Variants in GTF3C5 observed in about 807,000 individuals in gnomAD.
The protein encoded by GTF3C5 is general transcription factor IIIC subunit 5.
Under a neutral mutation model 61.0 loss-of-function variants are expected in GTF3C5, and 47 were observed. The ratio of observed to expected loss-of-function variants is 0.77; its 90% CI spans 0.61 to 0.98. GTF3C5 has a LOEUF of 0.98. Ranked by LOEUF, GTF3C5 falls within the 50% of genes least tolerant of loss-of-function variation. GTF3C5 has a pLI of 0.00. For synonymous variants in GTF3C5, 295 were observed against 275.4 expected (o/e 1.07, Z -0.71); for missense variants, 659 against 703.3 (o/e 0.94, Z 0.71).
At chr9:133,041,093 G>A (rs1157324966) in intron 1 of GTF3C5, among the ~76,000 whole-genome samples, 1 of 152,260 alleles carries the variant, frequency 6.6e-6, no homozygotes, top group African/African-American at 2.4e-5. Context: ...GGGCTCCTTG[G>A]TCTAGCAGTA....
chr9:133,034,090 C>G (rs889430234), intron 1 of GTF3C5, among the ~76,000 whole-genome samples: 4 of 152,174 alleles, frequency 2.6e-5, no homozygotes, highest in Admixed American at 2.0e-4. Context: ...ACAGAGGGTT[C>G]TTGGGCCATT....
At chr9:133,041,213 C>T (rs887359577) in intron 1 of GTF3C5, among the ~76,000 whole-genome samples, 7 of 152,194 alleles carry the variant, frequency 4.6e-5, no homozygotes, top group African/African-American at 1.7e-4. Context: ...GGGAGTCTCC[C>T]TTTCCCTGGG....
intron 2 of GTF3C5, among the ~76,000 whole-genome samples, chr9:133,043,234 G>A (rs1326421256): frequency 6.6e-6 from 1 of 152,162 alleles, no homozygotes; most frequent in Non-Finnish European, 1.5e-5. Flanking sequence ...TTGGGACAAG[G>A]TTTCCCAAGT....
chr9:133,048,480 G>A (rs1232690504), intron 3 of GTF3C5, among the ~76,000 whole-genome samples: 2 of 151,942 alleles, frequency 1.3e-5, no homozygotes, highest in African/African-American at 2.4e-5. Flanking sequence ...CTGGGCGACC[G>A]AGTGACACCC....
chr9:133,056,197 C>A, intron 9 of GTF3C5, 103 bp downstream of exon 9: 1 of 895,356 alleles, frequency 1.1e-6, no homozygotes, highest in Non-Finnish European at 1.8e-6. Flanking sequence ...TCATCTCCGG[C>A]AAGAGCACTC....
intron 3 of GTF3C5, among the ~76,000 whole-genome samples, chr9:133,045,029 C>T (rs751349257): frequency 1.3e-4 from 20 of 152,166 alleles, no homozygotes; most frequent in Non-Finnish European, 2.8e-4. Flanking sequence ...GAAAGGCAGG[C>T]CTGGGCATTG....
intron 3 of GTF3C5, among the ~76,000 whole-genome samples, chr9:133,044,821 C>T (rs1017414745): frequency 2.6e-5 from 4 of 152,120 alleles, no homozygotes; most frequent in African/African-American, 4.8e-5. Context: ...CTCACTCTCT[C>T]TCATCAGTAG....
At chr9:133,046,066 C>T (rs996380682) in intron 3 of GTF3C5, among the ~76,000 whole-genome samples, 8 of 152,148 alleles carry the variant, frequency 5.3e-5, no homozygotes, top group Admixed American at 2.0e-4. Flanking sequence ...TGGCTCACAC[C>T]TGTAATTCCA....
intron 1 of GTF3C5, among the ~76,000 whole-genome samples, chr9:133,036,631 T>C (rs1849869100): frequency 6.6e-6 from 1 of 152,118 alleles, no homozygotes; most frequent in South Asian, 2.1e-4. Flanking sequence ...TATGAGCATA[T>C]GTTTTAGTTC....
rs929537168 is a variant in GTF3C5, at chr9:133,045,207, C to T, written c.572+1281C>T. On this transcript the variant is annotated intron_variant, in intron 3 of 10. Coordinates refer to ENST00000372097, the MANE Select transcript of GTF3C5 (RefSeq NM_012087.4). Reference sequence around the variant, plus strand: ...ACCAGCCACACTGCCAGTTATTTCACGTCCCTGTGCAGCAGCGCTGTGAGT... The same window carrying T: ...ACCAGCCACACTGCCAGTTATTTCATGTCCCTGTGCAGCAGCGCTGTGAGT... 3.3e-5 allele frequency among the ~76,000 whole-genome samples: 5 copies of T among 152,202 alleles called. No individual in the cohort carries two copies. In the East Asian group the frequency reaches 5.8e-4, roughly 18 times the overall value.
chr9:133,032,592 T>A (rs542238497), intron 1 of GTF3C5, among the ~76,000 whole-genome samples: 15 of 152,312 alleles, frequency 9.8e-5, no homozygotes, highest in African/African-American at 3.6e-4. Flanking sequence ...TTTTAGCATG[T>A]CTCGACTTTG....
At chr9:133,055,355 G>A (rs1173256785) in intron 8 of GTF3C5, 3 of 1,327,116 alleles carry the variant, frequency 2.3e-6, no homozygotes, top group Admixed American at 4.5e-5. Context: ...TGCTGAGGGA[G>A]TGGGTGGCAG....
intron 8 of GTF3C5, 150 bp downstream of exon 8, chr9:133,054,959 C>T: frequency 6.4e-7 from 1 of 1,551,576 alleles, no homozygotes; most frequent in Non-Finnish European, 8.7e-7. Flanking sequence ...CCTTCAGACA[C>T]TGAGGGTGAG....
intron 3 of GTF3C5, among the ~76,000 whole-genome samples, chr9:133,048,541 T>C (rs1850273824): frequency 6.6e-6 from 1 of 152,046 alleles, no homozygotes; most frequent in African/African-American, 2.4e-5. Context: ...TGGTGGCGCA[T>C]GCTTGTAATC....
At chr9:133,042,999 C>T (rs1439968911) in intron 2 of GTF3C5, among the ~76,000 whole-genome samples, 3 of 152,144 alleles carry the variant, frequency 2.0e-5, no homozygotes, top group East Asian at 3.8e-4. Flanking sequence ...ACAGGAGGTG[C>T]CTGGCATATT....
chr9:133,038,349 G>A (rs1377364186), intron 1 of GTF3C5, among the ~76,000 whole-genome samples: 1 of 152,046 alleles, frequency 6.6e-6, no homozygotes, highest in African/African-American at 2.4e-5. Context: ...GTGGACTCTG[G>A]GTGCCCAATG....
At chr9:133,031,276 G>A (rs1849724795) in intron 1 of GTF3C5, 112 bp downstream of exon 1, 7 of 855,136 alleles carry the variant, frequency 8.2e-6, no homozygotes, top group South Asian at 5.0e-5. Flanking sequence ...TACGCAGAAG[G>A]GTGCTGCTCG....
chr9:133,053,884 C>T lies in GTF3C5; in HGVS notation c.930C>T (p.Asn310=). The T allele has an allele frequency of 2.5e-6, 4 of 1,613,474 alleles. No homozygotes were observed. The highest frequency in any genetic ancestry group is 3.4e-6 in the Non-Finnish European group (4 of 1,179,454). The stretch of plus-strand genomic sequence containing the variant: ...GATTTGGGTATGACCCCCGAAAAAA[C>T]CCAGATGCCAAGATTTATCAAGTCC... ...WIRFGYDPRK[N]PDAKIYQVLD... Residue 310 remains asparagine (N), a synonymous_variant, in exon 6 of 11, where the codon AAC becomes AAT. Coordinates refer to ENST00000372097, the MANE Select transcript of GTF3C5 (RefSeq NM_012087.4).
chr9:133,040,019 G>A (rs572125448), intron 1 of GTF3C5, among the ~76,000 whole-genome samples: 137 of 152,236 alleles, frequency 9.0e-4, no homozygotes, highest in African/African-American at 3.2e-3. Flanking sequence ...AGTTAATCAC[G>A]TTTTCTTCTT....
Sources: gnomAD v4.1 joint callset for allele counts (sites outside exome capture counted in the v4.1 genomes callset) on GRCh38, gnomAD v4.1.1 for gene constraint, MANE v1.5 for transcripts, NCBI Gene and HGNC (gene_info 2026-07-23, HGNC 2026-07-21) for gene names.